Variants in ESCO2 observed in about 807,000 individuals in gnomAD.
ESCO2 encodes establishment of sister chromatid cohesion N-acetyltransferase 2, also known as N-acetyltransferase ESCO2.
A neutral mutation model predicts 61.7 loss-of-function variants in ESCO2; 51 were observed. The observed-to-expected ratio is 0.83, with a 90% CI of 0.66 to 1.04. ESCO2 has a LOEUF of 1.04. Ranked by LOEUF, ESCO2 falls within the 50% of genes least tolerant of loss-of-function variation. The pLI is 0.00. For synonymous variants in ESCO2, 230 were observed against 238.2 expected, an observed-to-expected ratio of 0.97 and a Z score of 0.32; for missense variants, 692 against 686.2, an observed-to-expected ratio of 1.01 and a Z score of -0.09.
intron 5 of ESCO2, 54 bp downstream of exon 5, chr8:27,784,111 T>C: frequency 6.4e-7 from 1 of 1,554,432 alleles, no homozygotes; most frequent in Non-Finnish European, 8.9e-7. Flanking sequence ...ACAGTTCCTC[T>C]GGGTCTCTTT....
chr8:27,811,765 C>T (rs1224869155), downstream of ESCO2, among the ~76,000 whole-genome samples: 2 of 152,152 alleles, frequency 1.3e-5, no homozygotes, highest in African/African-American at 2.4e-5. Context: ...ATTGAGTCTT[C>T]CAAACCGCAG....
chr8:27,807,172 G>A (rs1805580413), downstream of ESCO2, among the ~76,000 whole-genome samples: 1 of 151,958 alleles, frequency 6.6e-6, no homozygotes, highest in South Asian at 2.1e-4. Context: ...ATGGTAGGGG[G>A]CATATTTGTT....
intron 9 of ESCO2, among the ~76,000 whole-genome samples, chr8:27,794,468 A>G (rs951797934): frequency 1.3e-5 from 2 of 152,062 alleles, no homozygotes; most frequent in Non-Finnish European, 2.9e-5. Context: ...TTTTCTTGGT[A>G]TTGGGTTATT....
intron 1 of ESCO2, among the ~76,000 whole-genome samples, 160 bp from the exon 2 acceptor site, chr8:27,775,339 C>A (rs1156802470): frequency 6.6e-6 from 1 of 152,028 alleles, no homozygotes; most frequent in Non-Finnish European, 1.5e-5. Context: ...AGAACAAGCG[C>A]GTGTAACCCT....
downstream of ESCO2, among the ~76,000 whole-genome samples, chr8:27,817,352 G>A (rs191044743): frequency 1.3e-5 from 2 of 152,008 alleles, no homozygotes; most frequent in Non-Finnish European, 2.9e-5. Context: ...AGAAAGTCTT[G>A]CTCCGGCTCA....
At chr8:27,805,896 G>C (rs538268620), downstream of ESCO2, among the ~76,000 whole-genome samples, 1 of 152,180 alleles carries the variant, frequency 6.6e-6, no homozygotes, top group Admixed American at 6.5e-5. Context: ...GCCTCCCAAA[G>C]TGCTGGATTA....
At chr8:27,772,204 A>G (rs1221820874), upstream of ESCO2, 6 of 514,138 alleles carry the variant, frequency 1.2e-5, no homozygotes, top group African/African-American at 1.9e-5. Context: ...TGTGTGGAGG[A>G]GCCCACAGGC....
At position 27,805,213 on chromosome 8, in the gene ESCO2, C is replaced by T. The variant is rs919668641; in HGVS notation, c.*1775C>T. On this transcript the variant is annotated 3_prime_UTR_variant, in exon 11 of 11. Coordinates refer to ENST00000305188, the MANE Select transcript of ESCO2 (RefSeq NM_001017420.3). The stretch of plus-strand genomic sequence containing the variant: ...AGGAGAATGGCGTGAACCCGGGAGG[C>T]GAGCTTGCAGTGAGCCGAGATTGCG... 28 of 112,274 alleles carry T rather than the reference C, an allele frequency of 2.5e-4. 1 individual carries two copies. In the Admixed American group the frequency reaches 2.5e-3, roughly 10 times the overall value. The allele number at this position is 112,274 out of a possible 1,614,324, so 7.0% of individuals were successfully genotyped here.
chr8:27,779,239 C>T (rs1321752901), intron 3 of ESCO2: 1 of 152,168 alleles, frequency 6.6e-6, no homozygotes, highest in East Asian at 1.9e-4. Flanking sequence ...GTGAGGATAC[C>T]CTTTCCCCAA....
At chr8:27,789,126 G>A (rs1367998339) in intron 7 of ESCO2, 148 bp downstream of exon 7, 1 of 1,039,804 alleles carries the variant, frequency 9.6e-7, no homozygotes, top group Non-Finnish European at 1.4e-6. Flanking sequence ...TAAATATTTT[G>A]TAAACACTGC....
upstream of ESCO2, chr8:27,772,363 G>C (rs980305500): frequency 1.4e-6 from 1 of 724,522 alleles, no homozygotes; most frequent in East Asian, 2.8e-5. Flanking sequence ...TGGGAGGGAC[G>C]GATGTGCTGG....
intron 10 of ESCO2, among the ~76,000 whole-genome samples, chr8:27,801,969 A>ATTTTTTTTTTTTTTTTTTT (rs34539100): frequency 6.0e-5 from 5 of 83,794 alleles, no homozygotes; most frequent in South Asian, 4.6e-4. Context: ...CCTTCATGGC[A>ATTTTTTTTTTTTTTTTTTT]TTTTTTTTTT....
At chr8:27,786,655 A>C (rs942973101) in intron 5 of ESCO2, among the ~76,000 whole-genome samples, 1 of 152,156 alleles carries the variant, frequency 6.6e-6, no homozygotes, top group Non-Finnish European at 1.5e-5. Context: ...CTTTGGTTTT[A>C]TGTCTGTACT....
At chr8:27,806,759 G>T (rs1805571996), downstream of ESCO2, among the ~76,000 whole-genome samples, 1 of 152,020 alleles carries the variant, frequency 6.6e-6, no homozygotes. Context: ...TGGGATTCCA[G>T]GTGCATGCCA....
upstream of ESCO2, chr8:27,772,759 A>G (rs1804681970): frequency 1.8e-6 from 1 of 566,244 alleles, no homozygotes; most frequent in Admixed American, 3.2e-5. Context: ...TTTGTGGGTT[A>G]AGGGAAAGAG....
intron 9 of ESCO2, among the ~76,000 whole-genome samples, chr8:27,796,863 G>A (rs1394478300): frequency 6.6e-6 from 1 of 152,208 alleles, no homozygotes; most frequent in Admixed American, 6.5e-5. Flanking sequence ...GCTCACACCT[G>A]TAATCCCAAC....
At position 27,803,625 on chromosome 8, in the gene ESCO2, G is replaced by C. The variant is rs892716002; in HGVS notation, c.*187G>C. Reference sequence around the variant, plus strand: ...GAGTTGAAAAGTCAGGAATAAATTTGTTGAAAATTATCTGGGGATTCAAAG... The same window carrying C: ...GAGTTGAAAAGTCAGGAATAAATTTCTTGAAAATTATCTGGGGATTCAAAG... On this transcript the variant is annotated 3_prime_UTR_variant, in exon 11 of 11. Transcript: ENST00000305188. 27 of 1,361,914 alleles carry C rather than the reference G, an allele frequency of 2.0e-5. No individual in the cohort carries two copies. The highest frequency in any genetic ancestry group is 2.4e-5 in the Non-Finnish European group (26 of 1,064,100). 84.4% of individuals were successfully genotyped at this position (1,361,914 alleles called of 1,614,324 possible). A position where few individuals can be genotyped will look rare whatever the true frequency, so the allele number is the denominator to read the frequency against.
intron 1 of ESCO2, 111 bp from the exon 2 acceptor site, chr8:27,775,388 C>G: frequency 2.1e-6 from 2 of 968,636 alleles, no homozygotes; most frequent in Admixed American, 3.6e-5. Flanking sequence ...GGAAGACCTC[C>G]CAGAAAATAG....
At chr8:27,783,955 G>T in intron 4 of ESCO2, 45 bp from the exon 5 acceptor site, 1 of 1,489,064 alleles carries the variant, frequency 6.7e-7, no homozygotes, top group South Asian at 1.1e-5. Context: ...TTAAAGCTTT[G>T]ATTTTATTTG....
Sources: allele counts gnomAD v4.1 joint callset (sites outside exome capture counted in the v4.1 genomes callset), GRCh38; gene constraint gnomAD v4.1.1; transcripts MANE v1.5; gene names NCBI Gene and HGNC (gene_info 2026-07-23, HGNC 2026-07-21).